Variants in SLC36A2 observed in about 807,000 individuals in gnomAD.
SLC36A2 encodes the protein proton-coupled amino acid transporter 2.
A neutral mutation model predicts 42.7 loss-of-function variants in SLC36A2; 39 were observed. The ratio of observed to expected loss-of-function variants is 0.91; its 90% confidence interval spans 0.71 to 1.19. SLC36A2 has a LOEUF of 1.19. Ranked by LOEUF, SLC36A2 falls within the 50% of genes most tolerant of loss-of-function variation. The pLI is 0.00. For missense variants in SLC36A2, 590 were observed against 613.7 expected (o/e 0.96, Z 0.41); for synonymous variants, 237 against 240.8 (o/e 0.98, Z 0.15).
In SLC36A2 at chr5:151,344,021, G is replaced by A. The variant is rs557265637; in HGVS notation, c.255+156C>T. Among the ~76,000 whole-genome samples, 6 of 152,288 alleles carry A rather than the reference G, an allele frequency of 3.9e-5. No individual in the cohort carries two copies. In the East Asian group the frequency reaches 9.7e-4, roughly 25 times the overall value. ...GGTACTAAAGTCTGTGGCAGAGCCG[G>A]AACTCAAACCCAGGCTAGATGTCTA... On this transcript the variant is annotated intron_variant, in intron 2 of 9. Transcript: ENST00000335244.
rs111750570 is a variant in SLC36A2, at chr5:151,343,656, A to G, written c.256-58T>C. 1.6e-3 allele frequency: 2,307 copies of G among 1,463,694 alleles called. 16 individuals carry two copies. The African/African-American group carries it at 0.026, about 16-fold the overall frequency. 90.7% of individuals were successfully genotyped at this position (1,463,694 alleles called of 1,614,324 possible). A position where few individuals can be genotyped will look rare whatever the true frequency, so the allele number is the denominator to read the frequency against. Reference sequence around the variant, plus strand: ...AGAGAAGAGAATGCATTTATGAAGAATACTGCAAGATGGGCTTGGTAGTGC... The same window carrying G: ...AGAGAAGAGAATGCATTTATGAAGAGTACTGCAAGATGGGCTTGGTAGTGC... On this transcript the variant is annotated intron_variant, in intron 2 of 9. Coordinates refer to ENST00000335244, the MANE Select transcript of SLC36A2 (RefSeq NM_181776.3).
intron 5 of SLC36A2, among the ~76,000 whole-genome samples, chr5:151,338,373 C>T (rs1756215960): frequency 1.3e-5 from 2 of 151,912 alleles, no homozygotes; most frequent in Non-Finnish European, 2.9e-5. Flanking sequence ...ACTATTAAGC[C>T]ATAGATTAAG....
chr5:151,322,003 C>T (rs1349849352), intron 9 of SLC36A2, 43 bp downstream of exon 9: 1 of 1,612,512 alleles, frequency 6.2e-7, no homozygotes. Flanking sequence ...TTATAGCCCT[C>T]AGAAAAGATC....
chr5:151,343,409 G>GA (rs1209197930), intron 3 of SLC36A2, 101 bp downstream of exon 3: 35 of 1,260,526 alleles, frequency 2.8e-5, no homozygotes, highest in Non-Finnish European at 4.0e-5. Context: ...CCTTATTGGA[G>GA]AAAACTAAGA....
At position 151,316,478 on chromosome 5, in the gene SLC36A2, C is replaced by T. The variant is rs113506936; in HGVS notation, c.*339G>A. 3.4e-5 allele frequency: 10 copies of T among 290,246 alleles called. 1 individual carries two copies. The highest frequency in any genetic ancestry group is 1.8e-4 in the East Asian group (2 of 11,222). 18.0% of individuals were successfully genotyped at this position (290,246 alleles called of 1,614,324 possible). On this transcript the variant is annotated 3_prime_UTR_variant, in exon 10 of 10. Transcript: ENST00000335244. ...AGATCTGGCCAGGCGAGGTGGCTCA[C>T]GCCTGTGATCCCAGCATTTTGGGAG...
At chr5:151,336,010 A>G (rs999628664) in intron 5 of SLC36A2, among the ~76,000 whole-genome samples, 2 of 152,098 alleles carry the variant, frequency 1.3e-5, no homozygotes, top group Non-Finnish European at 2.9e-5. Flanking sequence ...ATCCACAAAA[A>G]AAAAAAAAAG....
Position 151,343,492 on chromosome 5 carries a change from G to A in SLC36A2, c.344+18C>T. The A allele has an allele frequency of 6.2e-7, 1 of 1,612,130 alleles. No individual in the cohort carries two copies. Among genetic ancestry groups the A allele is most frequent in the South Asian group, 1.1e-5 (1 of 91,054 alleles). On this transcript the variant is annotated intron_variant, in intron 3 of 9. Transcript: ENST00000335244. ...CCATGCACCAAAGGAATTGACACAA[G>A]GAGGCTGTTTTCCTCACCTCTTACA...
chr5:151,322,730 C>T (rs1755731657), intron 8 of SLC36A2, among the ~76,000 whole-genome samples: 2 of 152,124 alleles, frequency 1.3e-5, no homozygotes, highest in African/African-American at 4.8e-5. Flanking sequence ...GAAGAAGAGA[C>T]AGTTTATAAA....
chr5:151,317,147 T>C (rs1755524219), intron 9 of SLC36A2, 59 bp from the exon 10 acceptor site: 3 of 1,589,742 alleles, frequency 1.9e-6, no homozygotes, highest in Admixed American at 3.5e-5. Context: ...GCTTTGAAAG[T>C]TTGTTCTTAA....
intron 2 of SLC36A2, 139 bp downstream of exon 2, chr5:151,344,038 A>G: frequency 1.3e-6 from 1 of 780,906 alleles, no homozygotes; most frequent in Non-Finnish European, 2.2e-6. Context: ...AACCCAGGCT[A>G]GATGTCTAGA....
chr5:151,322,609 A>G (rs544366579), intron 8 of SLC36A2, among the ~76,000 whole-genome samples: 40 of 152,290 alleles, frequency 2.6e-4, no homozygotes, highest in South Asian at 8.3e-4. Flanking sequence ...CCTGGATCTA[A>G]AAGACTCTAG....
intron 8 of SLC36A2, among the ~76,000 whole-genome samples, chr5:151,322,671 A>C (rs755549722): frequency 5.3e-5 from 8 of 152,216 alleles, no homozygotes; most frequent in Non-Finnish European, 8.8e-5. Flanking sequence ...AGCTCTAGGC[A>C]CATAACTGTT....
chr5:151,341,615 G>A (rs1756347607), intron 4 of SLC36A2, among the ~76,000 whole-genome samples: 1 of 152,130 alleles, frequency 6.6e-6, no homozygotes, highest in Admixed American at 6.5e-5. Flanking sequence ...GAGCTAAAAG[G>A]TGGGATTTTT....
rs1580844854 is a variant in SLC36A2 at position 151,322,207 on chromosome 5, T to C, written c.1019A>G (p.Gln340Arg). 1 of 1,613,944 alleles carries C rather than the reference T, an allele frequency of 6.2e-7. No individual in the cohort carries two copies. The highest frequency in any genetic ancestry group is 8.5e-7 in the Non-Finnish European group (1 of 1,179,976). Residue 340 changes from glutamine (Q) to arginine (R), a missense_variant, in exon 9 of 10, where the codon CAG becomes CGG. Physicochemically the swap from Gln to Arg is conservative, Grantham distance 43. Transcript: ENST00000335244. ...SLNLPNCWLY[Q>R]SVKLLYIAGI... ...GGCAATGTAGAGAAGCTTGACAGACTGGTACAGCCTGCAAGACAAACCACA... is the reference window on the plus strand; with the variant it reads ...GGCAATGTAGAGAAGCTTGACAGACCGGTACAGCCTGCAAGACAAACCACA...
intron 8 of SLC36A2, among the ~76,000 whole-genome samples, chr5:151,324,140 G>T (rs1755784130): frequency 6.6e-6 from 1 of 151,538 alleles, no homozygotes; most frequent in Admixed American, 6.6e-5. Flanking sequence ...TTCCCAAATT[G>T]TTTTGTTTGT....
intron 6 of SLC36A2, among the ~76,000 whole-genome samples, chr5:151,334,668 G>A (rs1756095851): frequency 1.3e-5 from 2 of 152,136 alleles, no homozygotes; most frequent in Admixed American, 1.3e-4. Flanking sequence ...TCCAGCCTGG[G>A]TGAAAGATCG....
chr5:151,320,580 C>T (rs7707321), intron 9 of SLC36A2, among the ~76,000 whole-genome samples: 10,829 of 152,170 alleles, frequency 0.071, 593 homozygotes, highest in African/African-American at 0.16. Context: ...CCATCTCCTT[C>T]GGCCTCTGGT....
intron 5 of SLC36A2, among the ~76,000 whole-genome samples, chr5:151,336,092 T>G (rs1756148590): frequency 6.6e-6 from 1 of 152,184 alleles, no homozygotes; most frequent in South Asian, 2.1e-4. Context: ...TTTGTTAGCT[T>G]TTAGCAACTA....
Position 151,343,531 on chromosome 5 carries a change from C to T in SLC36A2, c.323G>A (p.Cys108Tyr), listed in dbSNP as rs200123093. Residue 108 changes from cysteine (C) to tyrosine (Y), a missense_variant, in exon 3 of 10, where the codon TGT (cysteine) becomes TAT (tyrosine). By Grantham distance (194) the Cys-to-Tyr change is radical (BLOSUM62 -2). Transcript: ENST00000335244. ...ACHCMHILVKCAQRFCKRLNK... is the reference protein window; with the variant it reads ...ACHCMHILVKYAQRFCKRLNK... ...TCACCTCTTACAGAAGCGCTGGGCACACTTGACCAGGATGTGCATACAGTG... is the reference window on the plus strand; with the variant it reads ...TCACCTCTTACAGAAGCGCTGGGCATACTTGACCAGGATGTGCATACAGTG... 461 of 1,614,056 alleles carry T rather than the reference C, an allele frequency of 2.9e-4. 1 individual carries two copies. Among genetic ancestry groups the T allele is most frequent in the Non-Finnish European group, 4.2e-5 (49 of 1,180,044 alleles).
Sources: gnomAD v4.1 joint callset for allele counts (sites outside exome capture counted in the v4.1 genomes callset) on GRCh38, gnomAD v4.1.1 for gene constraint, MANE v1.5 for transcripts, NCBI Gene and HGNC (gene_info 2026-07-23, HGNC 2026-07-21) for gene names.